The following BMP2K variants were observed in gnomAD, a reference collection of about 807,000 sequenced individuals.
BMP2K encodes BMP-2-inducible protein kinase.
A neutral mutation model predicts 116.0 loss-of-function variants in BMP2K; 74 were observed. That is an observed-to-expected ratio of 0.64 (90% CI 0.53 to 0.77). The LOEUF (loss-of-function observed/expected upper bound fraction) is 0.77, where lower values mean the gene tolerates loss of function less well. BMP2K is among the 30% of genes least tolerant of loss of function. The pLI is 0.00. For missense variants in BMP2K, 1,365 were observed against 1,403.6 expected (o/e 0.97, Z 0.44); for synonymous variants, 486 against 502.5 (o/e 0.97, Z 0.44).
intron 1 of BMP2K, among the ~76,000 whole-genome samples, chr4:78,779,159 A>G (rs1424804395): frequency 2.6e-5 from 4 of 152,310 alleles, no homozygotes; most frequent in East Asian, 1.9e-4. Context: ...ACACTGAACC[A>G]CTGCTCCTAC....
At position 78,776,580 on chromosome 4, in the gene BMP2K, GGCA is replaced by G. The variant is rs1270394193; in HGVS notation, c.40_42del (p.Ser14del). On this transcript the variant is annotated inframe_deletion, in exon 1 of 16. Transcript: ENST00000502613. ...CTCTCGGATGCCCAAGTCGGAGGGC[GGCA>G]GCGGCGGCGGAGCGGCGGGTGGCGG... is the stretch of plus-strand genomic sequence containing the variant. 8.6e-7 allele frequency: 1 copy of G among 1,161,612 alleles called. No homozygotes were observed. The highest frequency in any genetic ancestry group is 1.1e-6 in the Non-Finnish European group (1 of 938,664). The allele number at this position is 1,161,612 out of a possible 1,614,324, so 72.0% of individuals were successfully genotyped here. A position where few individuals can be genotyped will look rare whatever the true frequency, so the allele number is the denominator to read the frequency against.
chr4:78,798,857 A>G (rs558010945), intron 1 of BMP2K, among the ~76,000 whole-genome samples: 1 of 152,366 alleles, frequency 6.6e-6, no homozygotes, highest in East Asian at 1.9e-4. Context: ...TGAGAGAATT[A>G]AAATCTGGGT....
rs750747429 is a variant in BMP2K at position 78,833,653 on chromosome 4, A to G, written c.369A>G (p.Val123=). ...CTGTTAATTCAATTAGTGATAATGT[A>G]TGGGAAGTCCTTATCTTAATGGAAT... is the stretch of plus-strand genomic sequence containing the variant. ...DCAVNSISDN[V]WEVLILMEYC... is the part of the protein sequence containing the mutation. Residue 123 remains valine (V), a synonymous_variant, in exon 3 of 16, where the codon GTA becomes GTG. Transcript: ENST00000502613. 1.9e-6 allele frequency: 3 copies of G among 1,608,012 alleles called. No individual in the cohort carries two copies. In the South Asian group the frequency reaches 3.3e-5, roughly 18 times the overall value.
chr4:78,783,163 GTT>G (rs1195628776), intron 1 of BMP2K, among the ~76,000 whole-genome samples: 1 of 152,088 alleles, frequency 6.6e-6, no homozygotes, highest in African/African-American at 2.4e-5. Flanking sequence ...TATCTGAATA[GTT>G]TGTTAGATAA....
intron 1 of BMP2K, among the ~76,000 whole-genome samples, chr4:78,823,471 C>G (rs1284464592): frequency 1.4e-5 from 2 of 148,036 alleles, no homozygotes; most frequent in South Asian, 4.2e-4. Flanking sequence ...AGTGCTCTCT[C>G]TCTCATATAT....
chr4:78,835,364 G>A (rs774282936), intron 3 of BMP2K, among the ~76,000 whole-genome samples: 12 of 152,046 alleles, frequency 7.9e-5, no homozygotes, highest in Non-Finnish European at 1.6e-4. Flanking sequence ...GGTGGCTCAC[G>A]CCTGTAATCT....
chr4:78,894,632 A>G (rs552227620), intron 15 of BMP2K, among the ~76,000 whole-genome samples: 58 of 152,290 alleles, frequency 3.8e-4, no homozygotes, highest in African/African-American at 1.3e-3. Flanking sequence ...TTTTCTCCAT[A>G]TCAGCAGTAA....
chr4:78,863,376 T>C (rs996310120), intron 9 of BMP2K, among the ~76,000 whole-genome samples: 19 of 152,160 alleles, frequency 1.2e-4, no homozygotes, highest in African/African-American at 4.3e-4. Context: ...AAAAAGCGCC[T>C]GTGGGTTTCT....
intron 7 of BMP2K, among the ~76,000 whole-genome samples, chr4:78,856,940 A>G (rs1002118076): frequency 6.6e-5 from 10 of 152,132 alleles, no homozygotes; most frequent in Non-Finnish European, 1.3e-4. Flanking sequence ...TCTTTTTTCT[A>G]GTCTAACAAT....
intron 15 of BMP2K, among the ~76,000 whole-genome samples, chr4:78,893,466 A>G (rs1733545906): frequency 6.6e-6 from 1 of 152,236 alleles, no homozygotes; most frequent in South Asian, 2.1e-4. Context: ...AATGAAATCT[A>G]GAATGGTGAA....
chr4:78,887,224 G>C lies in BMP2K; in HGVS notation c.2002G>C (p.Ala668Pro). Residue 668 changes from alanine to proline, a missense_variant, in exon 15 of 16, where the codon GCT (alanine) becomes CCT (proline). This residue lies in a region of BMP2K where 596 missense variants were observed against 623.2 expected (regional missense o/e 0.96). Transcript: ENST00000502613. Reference sequence around the variant, plus strand: ...AGATAAGAATGTAGACTCACTTTCTGCTCCACATAACCATCCTCCAGAAGA... The same window carrying C: ...AGATAAGAATGTAGACTCACTTTCTCCTCCACATAACCATCCTCCAGAAGA... ...SSDKNVDSLS[A>P]PHNHPPEDPF... 3.1e-6 allele frequency: 5 copies of C among 1,611,874 alleles called. No individual in the cohort carries two copies. Among genetic ancestry groups the C allele is most frequent in the Non-Finnish European group, 4.2e-6 (5 of 1,179,036 alleles).
At chr4:78,907,842 G>A (rs750039381) in intron 15 of BMP2K, among the ~76,000 whole-genome samples, 1 of 152,126 alleles carries the variant, frequency 6.6e-6, no homozygotes, top group African/African-American at 2.4e-5. Flanking sequence ...GGAGGTGTCC[G>A]TGAGCAGGCG....
intron 9 of BMP2K, 99 bp downstream of exon 9, chr4:78,861,567 C>T: frequency 1.0e-6 from 1 of 973,786 alleles, no homozygotes; most frequent in Non-Finnish European, 1.6e-6. Context: ...CATCTTCATC[C>T]ACAAAGAATG....
chr4:78,875,839 C>T, intron 13 of BMP2K, among the ~76,000 whole-genome samples: 1 of 152,132 alleles, frequency 6.6e-6, no homozygotes. Flanking sequence ...TTATTTTGAA[C>T]AAGGAATTAT....
chr4:78,903,741 G>C (rs1306998659), intron 15 of BMP2K, among the ~76,000 whole-genome samples: 1 of 151,918 alleles, frequency 6.6e-6, no homozygotes. Flanking sequence ...TTCAACAAAA[G>C]AGTCTTCATC....
intron 3 of BMP2K, among the ~76,000 whole-genome samples, chr4:78,836,908 TCTTTC>T (rs1347430558): frequency 2.0e-5 from 3 of 152,208 alleles, no homozygotes; most frequent in African/African-American, 7.2e-5. Flanking sequence ...TTAGTTTGAA[TCTTTC>T]CTTTATCTAC....
chr4:78,790,547 T>C (rs1490854480), intron 1 of BMP2K, among the ~76,000 whole-genome samples: 3 of 152,182 alleles, frequency 2.0e-5, no homozygotes, highest in African/African-American at 4.8e-5. Flanking sequence ...AATGGAGAAC[T>C]ATGTCATGTT....
intron 1 of BMP2K, among the ~76,000 whole-genome samples, chr4:78,812,098 T>G (rs1226456408): frequency 6.6e-6 from 1 of 152,118 alleles, no homozygotes; most frequent in African/African-American, 2.4e-5. Context: ...CTCAGCCTCC[T>G]GAGTAGCCAC....
chr4:78,778,564 A>ATTCT (rs1727354753), intron 1 of BMP2K, among the ~76,000 whole-genome samples: 1 of 152,204 alleles, frequency 6.6e-6, no homozygotes, highest in African/African-American at 2.4e-5. Context: ...AATTTCCTAG[A>ATTCT]AGGGAGGCCA....
Sources: gnomAD v4.1 joint callset for allele counts (sites outside exome capture counted in the v4.1 genomes callset) on GRCh38, gnomAD v4.1.1 for gene constraint, gnomAD v4.1.1 regional missense constraint, MANE v1.5 for transcripts, NCBI Gene and HGNC (gene_info 2026-07-23, HGNC 2026-07-21) for gene names.